The following NEK7 variants were observed in gnomAD, a reference collection of about 807,000 sequenced individuals.
NEK7 encodes the protein serine/threonine-protein kinase Nek7.
In NEK7, 18 loss-of-function variants were observed where a neutral mutation model predicts 44.6. The ratio of observed to expected loss-of-function variants is 0.40; its 90% CI spans 0.28 to 0.60. The LOEUF (loss-of-function observed/expected upper bound fraction) is 0.60. NEK7 is among the 20% of genes least tolerant of loss of function. NEK7 has a pLI of 0.38. For missense variants in NEK7, 256 were observed against 366.5 expected (o/e 0.70, Z 2.46); for synonymous variants, 130 against 121.1 (o/e 1.07, Z -0.48).
intron 1 of NEK7, among the ~76,000 whole-genome samples, chr1:198,223,379 G>T (rs1027434851): frequency 6.6e-6 from 1 of 152,144 alleles, no homozygotes; most frequent in African/African-American, 2.4e-5. Context: ...TGGATGTAGG[G>T]AGCAAGTTTC....
At chr1:198,250,717 TG>T (rs1366394455) in intron 2 of NEK7, among the ~76,000 whole-genome samples, 2 of 145,156 alleles carry the variant, frequency 1.4e-5, no homozygotes, top group African/African-American at 2.6e-5. Context: ...TTGTGATTTT[TG>T]TACATTGATT....
chr1:198,278,984 C>T lies in NEK7; in HGVS notation c.512C>T (p.Ala171Val). ...DIKPANVFIT[A>V]TGVVKLGDLG... is the part of the protein sequence containing the mutation. ...AAACCAGCTAATGTGTTCATTACAGCCACTGGGGTGGTAAAACTTGGAGAT... is the reference window on the plus strand; with the variant it reads ...AAACCAGCTAATGTGTTCATTACAGTCACTGGGGTGGTAAAACTTGGAGAT... Residue 171 changes from alanine to valine, a missense_variant, in exon 7 of 10, where the codon GCC (alanine) becomes GTC (valine). This residue lies in a region of NEK7 where 102 missense variants were observed against 205.2 expected (regional missense o/e 0.50). Coordinates refer to ENST00000367385, the MANE Select transcript of NEK7 (RefSeq NM_133494.3). 6.2e-7 allele frequency: 1 copy of T among 1,609,274 alleles called. No homozygotes were observed. Among genetic ancestry groups the T allele is most frequent in the Non-Finnish European group, 8.5e-7 (1 of 1,176,416 alleles).
At chr1:198,199,545 A>G (rs556022927) in intron 1 of NEK7, among the ~76,000 whole-genome samples, 2 of 150,060 alleles carry the variant, frequency 1.3e-5, no homozygotes, top group Middle Eastern at 3.4e-3. Flanking sequence ...TTTTTTTTAT[A>G]TTGCTTTTTC....
At chr1:198,159,264 A>C (rs1664022293) in intron 1 of NEK7, among the ~76,000 whole-genome samples, 1 of 152,080 alleles carries the variant, frequency 6.6e-6, no homozygotes, top group South Asian at 2.1e-4. Flanking sequence ...TGTCTGCGGA[A>C]GGGGCGCCAG....
At chr1:198,289,292 A>G (rs1159141003) in intron 7 of NEK7, among the ~76,000 whole-genome samples, 1 of 152,164 alleles carries the variant, frequency 6.6e-6, no homozygotes, top group African/African-American at 2.4e-5. Context: ...TTCTAAACTC[A>G]GTTCGTTTGT....
intron 1 of NEK7, among the ~76,000 whole-genome samples, chr1:198,160,975 A>G (rs981388585): frequency 1.3e-5 from 2 of 152,198 alleles, no homozygotes; most frequent in African/African-American, 4.8e-5. Context: ...AGGACAGATG[A>G]TCATGAAGCA....
chr1:198,298,309 G>A (rs372302432), intron 9 of NEK7, among the ~76,000 whole-genome samples: 12 of 152,246 alleles, frequency 7.9e-5, no homozygotes, highest in African/African-American at 2.6e-4. Context: ...ATTTGAGTTC[G>A]TGTAACTTGA....
intron 1 of NEK7, among the ~76,000 whole-genome samples, chr1:198,229,302 C>T (rs756310248): frequency 6.6e-6 from 1 of 152,190 alleles, no homozygotes; most frequent in Non-Finnish European, 1.5e-5. Flanking sequence ...ACCCTTCCCT[C>T]ATACTTGCCC....
chr1:198,174,772 G>T (rs532614546), intron 1 of NEK7, among the ~76,000 whole-genome samples: 4 of 151,394 alleles, frequency 2.6e-5, no homozygotes, highest in Middle Eastern at 3.2e-3. Flanking sequence ...GTTTTTTTTG[G>T]GGGGGGACAG....
intron 3 of NEK7, among the ~76,000 whole-genome samples, chr1:198,259,980 GTCTGCAT>G (rs1653402320): frequency 1.3e-5 from 2 of 152,162 alleles, no homozygotes; most frequent in African/African-American, 4.8e-5. Context: ...CTGTGTTGCA[GTCTGCAT>G]TCTGCATCTG....
intron 7 of NEK7, among the ~76,000 whole-genome samples, chr1:198,281,029 TTAAAAC>T (rs1426489535): frequency 6.6e-6 from 1 of 151,920 alleles, no homozygotes; most frequent in African/African-American, 2.4e-5. Flanking sequence ...TTTTGATTGT[TTAAAAC>T]TAAAGTTCAC....
intron 9 of NEK7, among the ~76,000 whole-genome samples, chr1:198,312,448 C>G (rs1462158455): frequency 6.6e-6 from 1 of 151,822 alleles, no homozygotes; most frequent in Non-Finnish European, 1.5e-5. Flanking sequence ...TTCAGTTCTG[C>G]TCTGATTTTA....
At chr1:198,174,812 T>C (rs749489427) in intron 1 of NEK7, among the ~76,000 whole-genome samples, 30 of 152,156 alleles carry the variant, frequency 2.0e-4, no homozygotes, top group Admixed American at 5.2e-4. Context: ...GGCTGGAGCA[T>C]TGTGGCAGGA....
At chr1:198,312,474 G>C (rs999867193) in intron 9 of NEK7, among the ~76,000 whole-genome samples, 20 of 151,926 alleles carry the variant, frequency 1.3e-4, no homozygotes, top group African/African-American at 2.9e-4. Context: ...TTCTTGCCTT[G>C]TGCTAGCTTT....
intron 1 of NEK7, chr1:198,198,161 G>C (rs1228208064): frequency 1.3e-6 from 1 of 790,318 alleles, no homozygotes; most frequent in Non-Finnish European, 2.2e-6. Flanking sequence ...ATTTGGTCCT[G>C]GCTGGCCGGC....
At chr1:198,290,703 T>C (rs1261298153) in intron 7 of NEK7, among the ~76,000 whole-genome samples, 1 of 152,198 alleles carries the variant, frequency 6.6e-6, no homozygotes, top group Non-Finnish European at 1.5e-5. Flanking sequence ...GTTGGAAATT[T>C]GTTGATCAAA....
rs1270426295 is a variant in NEK7, at chr1:198,157,128, G to GGCGGC, written c.-170_-166dup. 1 of 151,798 alleles carries GGCGGC rather than the reference G, an allele frequency of 6.6e-6. No individual in the cohort carries two copies. The highest frequency in any genetic ancestry group is 1.5e-5 in the Non-Finnish European group (1 of 67,940). 9.4% of individuals were successfully genotyped at this position (151,798 alleles called of 1,614,324 possible). ...GCCCCGCGCCTGCAGCGTCCGCCGG[G>GGCGGC]GCGGCGCGGCGGGAGGTGGCCGACA... On this transcript the variant is annotated 5_prime_UTR_variant, in exon 1 of 10. Coordinates refer to ENST00000367385, the MANE Select transcript of NEK7 (RefSeq NM_133494.3).
chr1:198,274,011 T>TTA (rs965329806), intron 5 of NEK7, among the ~76,000 whole-genome samples: 3 of 151,320 alleles, frequency 2.0e-5, no homozygotes, highest in African/African-American at 7.3e-5. Context: ...AGGTCTATTA[T>TTA]TATAAGATGG....
rs372518646 is a variant in NEK7 at position 198,193,048 on chromosome 1, A to G, written c.-29+35772A>G. On this transcript the variant is annotated intron_variant, in intron 1 of 9. Transcript: ENST00000367385. The stretch of plus-strand genomic sequence containing the variant: ...GCGGTTTTTTTTTTTTTAAACTAAT[A>G]AAATAGACTGGTAGCTAAACTAATA... Among the ~76,000 whole-genome samples, 13 of 151,928 alleles carry G rather than the reference A, an allele frequency of 8.6e-5. No individual in the cohort carries two copies. The East Asian group carries it at 2.1e-3, about 25-fold the overall frequency.
Sources: gnomAD v4.1 joint callset for allele counts (sites outside exome capture counted in the v4.1 genomes callset) on GRCh38, gnomAD v4.1.1 for gene constraint, gnomAD v4.1.1 regional missense constraint, MANE v1.5 for transcripts, NCBI Gene and HGNC (gene_info 2026-07-23, HGNC 2026-07-21) for gene names.